The following STAT5B variants were observed in gnomAD, a reference collection of about 807,000 sequenced individuals.
STAT5B encodes signal transducer and activator of transcription 5B, also known as transcription factor STAT5B.
STAT5B carries 21 observed loss-of-function variants against 107.8 expected under a neutral mutation model. The observed-to-expected ratio is 0.19, with a 90% CI of 0.14 to 0.28. The LOEUF is 0.28. STAT5B is among the 10% of genes least tolerant of loss of function. The probability of loss-of-function intolerance (pLI) is 1.00; values close to 1 mark genes in which losing one functional copy is unlikely to be tolerated. For missense variants in STAT5B, 565 were observed against 1,008.2 expected (o/e 0.56, Z 5.95); for synonymous variants, 325 against 401.7 (o/e 0.81, Z 2.28).
At chr17:42,273,837 T>C (rs2080741256) in intron 1 of STAT5B, among the ~76,000 whole-genome samples, 1 of 152,136 alleles carries the variant, frequency 6.6e-6, no homozygotes, top group African/African-American at 2.4e-5. Context: ...ATACTAACAA[T>C]ACTATGATTT....
At chr17:42,263,961 T>A (rs1394551772) in intron 1 of STAT5B, among the ~76,000 whole-genome samples, 2 of 152,046 alleles carry the variant, frequency 1.3e-5, no homozygotes, top group Admixed American at 1.3e-4. Context: ...TGTTCTTTTT[T>A]CCAGGCACAA....
At chr17:42,207,847 A>C in intron 15 of STAT5B, 119 bp from the exon 16 acceptor site, 1 of 1,003,656 alleles carries the variant, frequency 1.0e-6, no homozygotes, top group Non-Finnish European at 1.5e-6. Flanking sequence ...AGAAATCTCC[A>C]TTTAAAAATA....
intron 1 of STAT5B, among the ~76,000 whole-genome samples, chr17:42,266,727 A>G (rs2080676342): frequency 6.6e-6 from 1 of 151,662 alleles, no homozygotes; most frequent in African/African-American, 2.4e-5. Context: ...AACTATGTGC[A>G]TTTTTCTGGT....
chr17:42,265,374 C>CTTTTTT (rs1275073687), intron 1 of STAT5B, among the ~76,000 whole-genome samples: 1 of 99,226 alleles, frequency 1.0e-5, no homozygotes, highest in African/African-American at 5.0e-5. Context: ...GGTATGTACT[C>CTTTTTT]TTCTTTTTTT....
intron 1 of STAT5B, among the ~76,000 whole-genome samples, chr17:42,262,872 G>GTA: frequency 8.4e-6 from 1 of 118,972 alleles, no homozygotes; most frequent in East Asian, 2.4e-4. Context: ...ATATGTGTGT[G>GTA]TATATATACA....
chr17:42,218,954 C>T (rs1480055158), intron 7 of STAT5B, 76 bp from the exon 8 acceptor site: 15 of 1,612,004 alleles, frequency 9.3e-6, no homozygotes, highest in African/African-American at 5.3e-5. Context: ...ACACAGCTCC[C>T]GTTCCCCCAG....
intron 4 of STAT5B, among the ~76,000 whole-genome samples, chr17:42,224,020 G>A (rs556368785): frequency 9.9e-5 from 15 of 152,168 alleles, no homozygotes; most frequent in African/African-American, 3.6e-4. Flanking sequence ...AGATATTCTC[G>A]TGATGGAATC....
intron 5 of STAT5B, among the ~76,000 whole-genome samples, chr17:42,220,269 G>A (rs117104235): frequency 0.015 from 2,329 of 152,324 alleles, 25 homozygotes; most frequent in Non-Finnish European, 0.023. Flanking sequence ...CGTGTAAAAC[G>A]GGAGATTCTC....
At chr17:42,269,053 G>C (rs559212750) in intron 1 of STAT5B, among the ~76,000 whole-genome samples, 1 of 152,036 alleles carries the variant, frequency 6.6e-6, no homozygotes. Flanking sequence ...CTTGCCACCA[G>C]CTATAGGCTC....
At position 42,213,513 on chromosome 17, in the gene STAT5B, CTTTATTATTTATTT is replaced by C. The variant is rs534334348; in HGVS notation, c.1474-1337_1474-1324del. On this transcript the variant is annotated intron_variant, in intron 12 of 18. Transcript: ENST00000293328. Reference sequence around the variant, plus strand: ...TAAACCACTGTGCCTGGCCACAAGTCTTTATTATTTATTTTTTATTTTTTATTTTTTTGAGACAG... The same window carrying C: ...TAAACCACTGTGCCTGGCCACAAGTCTTTATTTTTTATTTTTTTGAGACAG... 2.1e-3 allele frequency among the ~76,000 whole-genome samples: 316 copies of C among 151,640 alleles called. 2 individuals are homozygous for C. Among genetic ancestry groups the C allele is most frequent in the African/African-American group, 7.3e-3 (304 of 41,368 alleles).
At chr17:42,236,476 C>T (rs553294643) in intron 1 of STAT5B, among the ~76,000 whole-genome samples, 3 of 152,226 alleles carry the variant, frequency 2.0e-5, no homozygotes, top group Admixed American at 2.0e-4. Context: ...GAGTCTCACT[C>T]TGTCGCCTAG....
intron 1 of STAT5B, chr17:42,270,588 A>G (rs1317689106): frequency 2.0e-5 from 3 of 152,258 alleles, no homozygotes; most frequent in Non-Finnish European, 4.4e-5. Flanking sequence ...AAAAATATTT[A>G]TCACCATCTT....
At chr17:42,276,458 C>T (rs992837924), upstream of STAT5B, 2 of 148,234 alleles carry the variant, frequency 1.3e-5, no homozygotes, top group African/African-American at 4.9e-5. This position sits in a 1 kb window ranked among gnomAD's most constrained non-coding sequence, Gnocchi z 4.8. Flanking sequence ...CAGGGACGCG[C>T]GCCGCTGGCA....
intron 5 of STAT5B, among the ~76,000 whole-genome samples, chr17:42,220,280 G>A (rs747410685): frequency 9.2e-5 from 14 of 152,146 alleles, no homozygotes; most frequent in East Asian, 7.7e-4. Flanking sequence ...GGAGATTCTC[G>A]GCACCTGCCT....
At chr17:42,261,728 T>C (rs2080598399) in intron 1 of STAT5B, among the ~76,000 whole-genome samples, 1 of 151,978 alleles carries the variant, frequency 6.6e-6, no homozygotes, top group Non-Finnish European at 1.5e-5. Flanking sequence ...GTCTAGCTAA[T>C]TTTTGTATTT....
intron 13 of STAT5B, among the ~76,000 whole-genome samples, chr17:42,210,812 A>C (rs929440874): frequency 1.3e-5 from 2 of 152,154 alleles, no homozygotes; most frequent in Admixed American, 6.5e-5. Flanking sequence ...GTCACCTGGG[A>C]GCTTCTGAGA....
chr17:42,245,608 C>T (rs1440479759), intron 1 of STAT5B, among the ~76,000 whole-genome samples: 14 of 151,378 alleles, frequency 9.2e-5, no homozygotes, highest in African/African-American at 2.9e-4. Flanking sequence ...CTGCAACCTC[C>T]GCCCCCCAGG....
chr17:42,211,948 A>G, intron 13 of STAT5B, 36 bp downstream of exon 13: 1 of 1,580,682 alleles, frequency 6.3e-7, no homozygotes, highest in Non-Finnish European at 8.6e-7. Flanking sequence ...GTTGGGAAGG[A>G]CTGATCTAAC....
At chr17:42,249,165 GT>G (rs1567672068) in intron 1 of STAT5B, among the ~76,000 whole-genome samples, 1 of 152,264 alleles carries the variant, frequency 6.6e-6, no homozygotes, top group East Asian at 1.9e-4. Flanking sequence ...GCCAAGGCCA[GT>G]GGATCACTTG....
Sources: gnomAD v4.1 joint callset for allele counts (sites outside exome capture counted in the v4.1 genomes callset) on GRCh38, gnomAD v4.1.1 for gene constraint, Gnocchi (gnomAD v3.1) non-coding constraint, MANE v1.5 for transcripts, NCBI Gene and HGNC (gene_info 2026-07-23, HGNC 2026-07-21) for gene names.